Variants in DAB1 observed in about 807,000 individuals in gnomAD.
DAB1 encodes the protein DAB adaptor protein 1, also known as disabled homolog 1.
Under a neutral mutation model 64.6 loss-of-function variants are expected in DAB1, and 15 were observed. The ratio of observed to expected loss-of-function variants is 0.23; its 90% CI spans 0.16 to 0.36. The LOEUF (loss-of-function observed/expected upper bound fraction) is 0.36. DAB1 is among the 10% of genes least tolerant of loss of function. The probability of loss-of-function intolerance (pLI) is 1.00; values close to 1 mark genes in which losing one functional copy is unlikely to be tolerated. For synonymous variants in DAB1, 235 were observed against 251.9 expected (o/e 0.93, Z 0.64); for missense variants, 596 against 706.7 (o/e 0.84, Z 1.78).
At chr1:57,076,977 A>C (rs1350232234) in intron 4 of DAB1, among the ~76,000 whole-genome samples, 1 of 152,196 alleles carries the variant, frequency 6.6e-6, no homozygotes, top group Non-Finnish European at 1.5e-5. Flanking sequence ...AGGAGTTCAC[A>C]ATCTCATAAA....
intron 3 of DAB1, among the ~76,000 whole-genome samples, chr1:58,410,245 A>T (rs1231059886): frequency 3.3e-5 from 5 of 152,194 alleles, no homozygotes; most frequent in Non-Finnish European, 7.3e-5. Flanking sequence ...ATCTTTAAGG[A>T]TGCTTTCTGC....
intron 5 of DAB1, among the ~76,000 whole-genome samples, chr1:57,964,514 G>T (rs908938226): frequency 1.3e-5 from 2 of 152,098 alleles, no homozygotes; most frequent in Non-Finnish European, 2.9e-5. Context: ...TTGAACCTAG[G>T]CCTATTTCAG....
At chr1:57,823,767 C>T (rs779270993), downstream of DAB1, among the ~76,000 whole-genome samples, 3 of 152,032 alleles carry the variant, frequency 2.0e-5, no homozygotes, top group Non-Finnish European at 4.4e-5. Context: ...CTCTGGGAAC[C>T]GCATGAGGCA....
intron 6 of DAB1, among the ~76,000 whole-genome samples, chr1:57,652,240 A>G (rs1646265262): frequency 6.6e-6 from 1 of 152,144 alleles, no homozygotes; most frequent in Non-Finnish European, 1.5e-5. Flanking sequence ...CTGATGACCT[A>G]TGGCTCCACC....
At chr1:57,870,507 G>A (rs1336173560) in intron 1 of DAB1, among the ~76,000 whole-genome samples, 1 of 152,076 alleles carries the variant, frequency 6.6e-6, no homozygotes, top group Non-Finnish European at 1.5e-5. Context: ...CAGGATCTTG[G>A]GAAATTCACT....
chr1:58,433,528 C>T (rs1644901832), intron 3 of DAB1, among the ~76,000 whole-genome samples: 1 of 150,026 alleles, frequency 6.7e-6, no homozygotes, highest in Non-Finnish European at 1.5e-5. Flanking sequence ...GCTGCGACAT[C>T]CCATGGTAGA....
rs548139170 is a variant in DAB1, at chr1:58,346,081, T to C, written n.258-2678A>G. ...TCACTCAGACCCTCCTCCAAGCCCTTTGCACTTACTAGGTGAAACGGAAAA... is the reference window on the plus strand; with the variant it reads ...TCACTCAGACCCTCCTCCAAGCCCTCTGCACTTACTAGGTGAAACGGAAAA... On this transcript the variant is annotated intron_variant and non_coding_transcript_variant, in intron 3 of 20. Coordinates refer to the DAB1 transcript ENST00000485760. Among the ~76,000 whole-genome samples, 7 of 152,260 alleles carry C rather than the reference T, an allele frequency of 4.6e-5. No homozygotes were observed. In the South Asian group the frequency reaches 1.5e-3, roughly 32 times the overall value.
intron 6 of DAB1, among the ~76,000 whole-genome samples, chr1:57,802,407 G>C (rs781025414): frequency 3.3e-5 from 5 of 152,204 alleles, no homozygotes; most frequent in Non-Finnish European, 5.9e-5. Flanking sequence ...ATTTTAAACA[G>C]AGATCAACAC....
chr1:58,256,149 T>C (rs1660923577), intron 4 of DAB1, among the ~76,000 whole-genome samples: 1 of 152,192 alleles, frequency 6.6e-6, no homozygotes, highest in Non-Finnish European at 1.5e-5. Context: ...CTCACAGGTG[T>C]GTTTTCTCCC....
chr1:58,071,334 T>C (rs1387483193), intron 5 of DAB1, among the ~76,000 whole-genome samples: 1 of 148,598 alleles, frequency 6.7e-6, no homozygotes, highest in Non-Finnish European at 1.5e-5. Flanking sequence ...GAAGAAGAAA[T>C]AGGAACTCTA....
At chr1:57,706,364 G>A (rs775552318) in intron 6 of DAB1, among the ~76,000 whole-genome samples, 79 of 151,482 alleles carry the variant, frequency 5.2e-4, no homozygotes, top group Non-Finnish European at 9.4e-4. Flanking sequence ...GGAGTCCTGT[G>A]GTACCATCAG....
chr1:57,729,932 C>A (rs947488329), intron 6 of DAB1, among the ~76,000 whole-genome samples: 1 of 152,160 alleles, frequency 6.6e-6, no homozygotes, highest in African/African-American at 2.4e-5. Flanking sequence ...TTATTAAAGG[C>A]ACTATTATTA....
At chr1:57,285,063 T>C (rs1266648357) in intron 2 of DAB1, among the ~76,000 whole-genome samples, 1 of 152,218 alleles carries the variant, frequency 6.6e-6, no homozygotes, top group African/African-American at 2.4e-5. Context: ...GGTTAATTGA[T>C]GATCCCTGGG....
intron 7 of DAB1, among the ~76,000 whole-genome samples, chr1:57,636,257 C>A (rs968543825): frequency 6.6e-6 from 1 of 152,096 alleles, no homozygotes; most frequent in African/African-American, 2.4e-5. Flanking sequence ...AGAGAGGTCT[C>A]ACCAGAAACC....
rs77121657 is a variant in DAB1, at chr1:57,444,156, A to G, written n.626-152990T>C. On this transcript the variant is annotated intron_variant and non_coding_transcript_variant, in intron 7 of 20. Transcript: ENST00000485760. ...TGGAATAGTCTCCCCCATCCCTCCA[A>G]TGGCTTCTCCCCAGGCACCTACTCT... 9.9e-3 allele frequency among the ~76,000 whole-genome samples: 1,501 copies of G among 151,988 alleles called. 36 individuals carry two copies. Among genetic ancestry groups the G allele is most frequent in the African/African-American group, 0.033 (1,373 of 41,462 alleles).
chr1:57,787,370 G>A (rs1323835), intron 6 of DAB1, among the ~76,000 whole-genome samples: 124,470 of 152,076 alleles, frequency 0.82, 51,357 homozygotes, highest in African/African-American at 0.92. Flanking sequence ...AGACCTGCAC[G>A]TATAGAATCA....
intron 6 of DAB1, among the ~76,000 whole-genome samples, chr1:57,798,150 G>A (rs149978472): frequency 3.9e-5 from 6 of 152,244 alleles, no homozygotes; most frequent in African/African-American, 7.2e-5. Context: ...CAAATGGCTC[G>A]CCTTCATGTT....
At chr1:57,779,184 C>T (rs1435835905) in intron 6 of DAB1, among the ~76,000 whole-genome samples, 1 of 152,058 alleles carries the variant, frequency 6.6e-6, no homozygotes, top group African/African-American at 2.4e-5. Context: ...ATAGTCTTCT[C>T]TGGGGGGTTA....
At chr1:58,484,653 T>C (rs1645544114) in intron 3 of DAB1, among the ~76,000 whole-genome samples, 1 of 152,170 alleles carries the variant, frequency 6.6e-6, no homozygotes, top group African/African-American at 2.4e-5. Flanking sequence ...TTGCTAAAAC[T>C]TGGAAATAAC....
Sources: gnomAD v4.1 joint callset for allele counts (sites outside exome capture counted in the v4.1 genomes callset) on GRCh38, gnomAD v4.1.1 for gene constraint, MANE v1.5 for transcripts, NCBI Gene and HGNC (gene_info 2026-07-23, HGNC 2026-07-21) for gene names.